Variants in NEK10 observed in about 807,000 individuals in gnomAD.
NEK10 encodes the protein serine/threonine-protein kinase Nek10.
A neutral mutation model predicts 159.8 loss-of-function variants in NEK10; 122 were observed. The ratio of observed to expected loss-of-function variants is 0.76; its 90% CI spans 0.66 to 0.89. The LOEUF is 0.89. NEK10 is among the 40% of genes least tolerant of loss of function. NEK10 has a pLI of 0.00. For missense variants in NEK10, 1,342 were observed against 1,323.1 expected, an observed-to-expected ratio of 1.01 and a Z score of -0.22; for synonymous variants, 466 against 457.1, an observed-to-expected ratio of 1.02 and a Z score of -0.25.
intron 30 of NEK10, among the ~76,000 whole-genome samples, chr3:27,148,062 T>C (rs1009112651): frequency 3.4e-4 from 52 of 152,306 alleles, no homozygotes; most frequent in Admixed American, 5.9e-4. Flanking sequence ...TGACACACTA[T>C]ATGAAACATC....
rs147349607 is a variant in NEK10, at chr3:27,145,014, T to C, written c.2870-3432A>G. Among the ~76,000 whole-genome samples, 815 of 152,276 alleles carry C rather than the reference T, an allele frequency of 5.4e-3. 8 individuals carry two copies. The highest frequency in any genetic ancestry group is 0.019 in the African/African-American group (798 of 41,544). The stretch of plus-strand genomic sequence containing the variant: ...ATTTTTATTCTTCATTTAAATGTTA[T>C]TAACTGCCAAACATTTGGCAAATGT... On this transcript the variant is annotated intron_variant, in intron 30 of 35. Coordinates refer to ENST00000691995, the MANE Select transcript of NEK10 (RefSeq NM_001394966.1).
chr3:27,269,209 A>T (rs2041141382), intron 22 of NEK10, among the ~76,000 whole-genome samples: 1 of 152,168 alleles, frequency 6.6e-6, no homozygotes, highest in Admixed American at 6.5e-5. Flanking sequence ...ACAAGAAAAG[A>T]TTTAGAATAT....
intron 23 of NEK10, among the ~76,000 whole-genome samples, chr3:27,235,395 T>A (rs1024669607): frequency 6.6e-6 from 1 of 152,066 alleles, no homozygotes; most frequent in Non-Finnish European, 1.5e-5. Flanking sequence ...CCAGCATCTA[T>A]AAGGAGCTTA....
At chr3:27,326,744 G>A (rs974359553) in intron 5 of NEK10, among the ~76,000 whole-genome samples, 5 of 152,046 alleles carry the variant, frequency 3.3e-5, no homozygotes, top group African/African-American at 1.2e-4. Context: ...ATTTCTACGC[G>A]GCCTCTGCTG....
chr3:27,180,925 T>G (rs527308960), intron 26 of NEK10, among the ~76,000 whole-genome samples: 2 of 152,084 alleles, frequency 1.3e-5, no homozygotes, highest in Admixed American at 1.3e-4. Context: ...ATTACTCAAG[T>G]GCATGCCAGG....
Position 27,320,917 on chromosome 3 carries a change from C to T in NEK10, c.447+1260G>A, listed in dbSNP as rs953564842. On this transcript the variant is annotated intron_variant, in intron 6 of 35. Coordinates refer to ENST00000691995, the MANE Select transcript of NEK10 (RefSeq NM_001394966.1). ...GGAAAAGATGGTTACTTCTGAAATA[C>T]GAGGGAAGTAGAGTTGCAGGATAAC... 5.3e-5 allele frequency among the ~76,000 whole-genome samples: 8 copies of T among 151,998 alleles called. No individual in the cohort carries two copies. In the South Asian group the frequency reaches 6.2e-4, roughly 12 times the overall value.
chr3:27,171,719 G>C, intron 29 of NEK10, 100 bp downstream of exon 29: 1 of 1,216,220 alleles, frequency 8.2e-7, no homozygotes, highest in Non-Finnish European at 1.2e-6. Flanking sequence ...TATTTCCGCA[G>C]GCACATGGAA....
chr3:27,161,568 A>C (rs1575056755), intron 30 of NEK10, among the ~76,000 whole-genome samples: 1 of 152,260 alleles, frequency 6.6e-6, no homozygotes, highest in Admixed American at 6.5e-5. Context: ...ATGCTCACAC[A>C]TATGATAAAA....
intron 5 of NEK10, among the ~76,000 whole-genome samples, chr3:27,329,119 C>T (rs929426486): frequency 1.3e-5 from 2 of 152,130 alleles, no homozygotes; most frequent in Non-Finnish European, 2.9e-5. Context: ...GTGAATGAGT[C>T]TCATGAGATC....
chr3:27,210,951 G>C (rs1306568047), intron 23 of NEK10, among the ~76,000 whole-genome samples: 3 of 152,132 alleles, frequency 2.0e-5, no homozygotes, highest in Non-Finnish European at 4.4e-5. Flanking sequence ...ATAGATTAAT[G>C]CAATACTTCT....
intron 5 of NEK10, among the ~76,000 whole-genome samples, chr3:27,327,872 A>C (rs536291517): frequency 6.6e-6 from 1 of 152,300 alleles, no homozygotes; most frequent in East Asian, 1.9e-4. Flanking sequence ...CCTCAAATTC[A>C]TAAGACAGAG....
chr3:27,360,322 T>C (rs2048598063), intron 1 of NEK10, among the ~76,000 whole-genome samples: 1 of 152,068 alleles, frequency 6.6e-6, no homozygotes, highest in Non-Finnish European at 1.5e-5. Flanking sequence ...AGAGCTTCGG[T>C]CACACATGAG....
Position 27,174,532 on chromosome 3 carries a change from A to G in NEK10, c.2690-7T>C. 1.2e-6 allele frequency: 2 copies of G among 1,605,118 alleles called. No individual in the cohort carries two copies. Among genetic ancestry groups the G allele is most frequent in the South Asian group, 2.2e-5 (2 of 89,656 alleles). On this transcript the variant is annotated splice_region_variant and splice_polypyrimidine_tract_variant and intron_variant, in intron 27 of 35. Coordinates refer to ENST00000691995, the MANE Select transcript of NEK10 (RefSeq NM_001394966.1). ...TCTACCTCTGAATATGTATCTGCACATTAATAAAAACAATAAAAAAGCAAA... is the reference window on the plus strand; with the variant it reads ...TCTACCTCTGAATATGTATCTGCACGTTAATAAAAACAATAAAAAAGCAAA...
chr3:27,194,125 C>CTTTTTTTTTTTT (rs71091113), intron 25 of NEK10: 28 of 128,174 alleles, frequency 2.2e-4, no homozygotes, highest in African/African-American at 8.5e-4. Context: ...CAGAGAAATT[C>CTTTTTTTTTTTT]TTTTTTTTTT....
chr3:27,300,726 T>C (rs550971755), intron 13 of NEK10, among the ~76,000 whole-genome samples: 9 of 152,046 alleles, frequency 5.9e-5, no homozygotes, highest in Non-Finnish European at 1.3e-4. Context: ...CTTTGAATGA[T>C]TGCTAGAAAC....
At chr3:27,284,765 A>G in intron 21 of NEK10, 61 bp from the exon 22 acceptor site, 1 of 1,510,734 alleles carries the variant, frequency 6.6e-7, no homozygotes, top group Non-Finnish European at 9.2e-7. Flanking sequence ...GCCAAAGATG[A>G]CTACTGCACG....
chr3:27,213,866 G>T lies in NEK10; in HGVS notation c.2091-11309C>A, dbSNP rs1027538646. ...AAGGCCCTGCAAAGCTGTCTCTTGT[G>T]GGGGAAATGCATTTTGCAGAGAATC... is the stretch of plus-strand genomic sequence containing the variant. On this transcript the variant is annotated intron_variant, in intron 23 of 35. Coordinates refer to ENST00000691995, the MANE Select transcript of NEK10 (RefSeq NM_001394966.1). Among the ~76,000 whole-genome samples, 18 of 152,290 alleles carry T rather than the reference G, an allele frequency of 1.2e-4. No homozygotes were observed. In the East Asian group the frequency reaches 3.3e-3, roughly 28 times the overall value.
intron 24 of NEK10, among the ~76,000 whole-genome samples, 153 bp from the exon 25 acceptor site, chr3:27,201,733 C>T (rs537718344): frequency 1.3e-5 from 2 of 152,162 alleles, no homozygotes; most frequent in African/African-American, 4.8e-5. Flanking sequence ...AAAACATTTG[C>T]ATCAATTAAA....
At chr3:27,275,218 T>A (rs2041683360) in intron 22 of NEK10, among the ~76,000 whole-genome samples, 1 of 152,186 alleles carries the variant, frequency 6.6e-6, no homozygotes, top group Admixed American at 6.5e-5. Flanking sequence ...CATTCTTATC[T>A]TTTTCTTGTA....
Sources: gnomAD v4.1 joint callset for allele counts (sites outside exome capture counted in the v4.1 genomes callset) on GRCh38, gnomAD v4.1.1 for gene constraint, MANE v1.5 for transcripts, NCBI Gene and HGNC (gene_info 2026-07-23, HGNC 2026-07-21) for gene names.